The following EPN1 variants were observed in gnomAD, a reference collection of about 807,000 sequenced individuals.
EPN1 encodes the protein epsin-1.
In EPN1, 25 loss-of-function variants were observed where a neutral mutation model predicts 56.9. That is an observed-to-expected ratio of 0.44 (90% CI 0.32 to 0.61). EPN1 has a LOEUF of 0.61. EPN1 is among the 20% of genes least tolerant of loss of function. The pLI is 0.05. For missense variants in EPN1, 785 were observed against 823.7 expected (o/e 0.95, Z 0.58); for synonymous variants, 411 against 361.8 (o/e 1.14, Z -1.54).
At position 55,694,508 on chromosome 19, in the gene EPN1, T is replaced by G; in HGVS notation, c.1265-218T>G. ...ACCTGCTTCTGTCATCCCTCTTGTG[T>G]TTGCTCACTGGAATCAGACCCACCT... On this transcript the variant is annotated intron_variant, in intron 9 of 10. Transcript: ENST00000270460. The surrounding 1 kb of genome is among the most constrained non-coding windows in gnomAD (Gnocchi z 4.2). 2.1e-6 allele frequency: 1 copy of G among 471,910 alleles called. No homozygotes were observed. The highest frequency in any genetic ancestry group is 3.6e-6 in the Non-Finnish European group (1 of 275,464). 29.2% of individuals were successfully genotyped at this position (471,910 alleles called of 1,614,324 possible).
chr19:55,677,261 T>A, intron 1 of EPN1: 1 of 1,130,930 alleles, frequency 8.8e-7, no homozygotes, highest in Non-Finnish European at 1.3e-6. Flanking sequence ...GTGTCTCAGT[T>A]TCCACCCTGT....
chr19:55,678,532 G>C lies in EPN1; in HGVS notation c.-96G>C. 1.9e-6 allele frequency: 3 copies of C among 1,542,226 alleles called. No individual in the cohort carries two copies. The highest frequency in any genetic ancestry group is 2.6e-6 in the Non-Finnish European group (3 of 1,146,504). ...AGGTCCTCTTCCCCTCGCAGATGCG[G>C]TGACCTGCCAGCACCTGCCGCAGCC... On this transcript the variant is annotated 5_prime_UTR_variant, in exon 2 of 11. Coordinates refer to ENST00000270460, the MANE Select transcript of EPN1 (RefSeq NM_001130072.2).
At chr19:55,685,315 C>T (rs1452616213) in intron 2 of EPN1, 81 bp from the exon 3 acceptor site, 10 of 1,528,666 alleles carry the variant, frequency 6.5e-6, no homozygotes, top group Non-Finnish European at 8.8e-6. Flanking sequence ...CAGTCGGCCG[C>T]CCCAGAGCCC....
intron 2 of EPN1, among the ~76,000 whole-genome samples, chr19:55,684,434 G>T (rs995416650): frequency 1.3e-5 from 2 of 152,270 alleles, no homozygotes; most frequent in Middle Eastern, 3.4e-3. Flanking sequence ...GCCTGAGCTA[G>T]GGAGAGCCTC....
Position 55,708,954 on chromosome 19 carries a change from A to G in EPN1, c.*13598A>G. On this transcript the variant is annotated 3_prime_UTR_variant, in exon 11 of 11. Coordinates refer to ENST00000270460, the MANE Select transcript of EPN1 (RefSeq NM_001130072.2). ...TGATCTTGTATTCCTCGTCAATCCA[A>G]GGTCCATGTGAAATGGTCAGATGGG... 1 of 1,584,246 alleles carries G rather than the reference A, an allele frequency of 6.3e-7. No homozygotes were observed. Among genetic ancestry groups the G allele is most frequent in the Non-Finnish European group, 8.6e-7 (1 of 1,169,068 alleles).
chr19:55,703,325 C>T lies in EPN1; in HGVS notation c.*7969C>T, dbSNP rs376715337. On this transcript the variant is annotated 3_prime_UTR_variant, in exon 11 of 11. Coordinates refer to ENST00000270460, the MANE Select transcript of EPN1 (RefSeq NM_001130072.2). ...TGGTTGGGACAGTCGGGGATTCTCACTTTTTTTTAAAATTTGAGATGGAGT... is the reference window on the plus strand; with the variant it reads ...TGGTTGGGACAGTCGGGGATTCTCATTTTTTTTTAAAATTTGAGATGGAGT... 6.6e-6 allele frequency: 1 copy of T among 151,650 alleles called. No individual in the cohort carries two copies. Among genetic ancestry groups the T allele is most frequent in the Non-Finnish European group, 1.5e-5 (1 of 67,962 alleles). 9.4% of individuals were successfully genotyped at this position (151,650 alleles called of 1,614,324 possible). A position where few individuals can be genotyped will look rare whatever the true frequency, so the allele number is the denominator to read the frequency against.
At position 55,709,022 on chromosome 19, in the gene EPN1, C is replaced by T; in HGVS notation, c.*13666C>T. Reference sequence around the variant, plus strand: ...GACATCAGGATCTTCTGAGTTTCTTCATCAAAGCCAGATTTGTGCAGCCTG... The same window carrying T: ...GACATCAGGATCTTCTGAGTTTCTTTATCAAAGCCAGATTTGTGCAGCCTG... On this transcript the variant is annotated 3_prime_UTR_variant, in exon 11 of 11. Transcript: ENST00000270460. 1 of 1,576,246 alleles carries T rather than the reference C, an allele frequency of 6.3e-7. No homozygotes were observed. The highest frequency in any genetic ancestry group is 2.3e-5 in the East Asian group (1 of 43,080).
rs979158730 is a variant in EPN1 at position 55,700,269 on chromosome 19, C to T, written c.*4913C>T. 6.8e-6 allele frequency: 1 copy of T among 146,344 alleles called. No individual in the cohort carries two copies. The highest frequency in any genetic ancestry group is 6.8e-5 in the Admixed American group (1 of 14,652). 9.1% of individuals were successfully genotyped at this position (146,344 alleles called of 1,614,324 possible). A position where few individuals can be genotyped will look rare whatever the true frequency, so the allele number is the denominator to read the frequency against. On this transcript the variant is annotated 3_prime_UTR_variant, in exon 11 of 11. Transcript: ENST00000270460. ...TGCTCCATAAATACAAACTTCCTTT[C>T]CTTATTATTATTATTTATTTTTTTT...
chr19:55,695,052 C>T lies in EPN1; in HGVS notation c.1522+69C>T. On this transcript the variant is annotated intron_variant, in intron 10 of 10. Transcript: ENST00000270460. This position sits in a 1 kb window ranked among gnomAD's most constrained non-coding sequence, Gnocchi z 4.4. ...CCACCAGAGGAGGTGCCTCACGGGG[C>T]AGGGACACTTCGCCCTTTGCCTGCA... is the stretch of plus-strand genomic sequence containing the variant. 1 of 1,588,578 alleles carries T rather than the reference C, an allele frequency of 6.3e-7. No individual in the cohort carries two copies. Among genetic ancestry groups the T allele is most frequent in the Admixed American group, 1.7e-5 (1 of 57,222 alleles).
At chr19:55,693,160 T>G (rs1003208756) in intron 9 of EPN1, 123 bp downstream of exon 9, 3 of 862,796 alleles carry the variant, frequency 3.5e-6, no homozygotes, top group Non-Finnish European at 5.5e-6. Context: ...GGATGAAAAG[T>G]TCAGTTGGGT....
chr19:55,703,997 A>G lies in EPN1; in HGVS notation c.*8641A>G, dbSNP rs937499035. 8 of 152,242 alleles carry G rather than the reference A, an allele frequency of 5.3e-5. No homozygotes were observed. The highest frequency in any genetic ancestry group is 1.2e-4 in the Non-Finnish European group (8 of 68,012). The allele number at this position is 152,242 out of a possible 1,614,324, so 9.4% of individuals were successfully genotyped here. On this transcript the variant is annotated 3_prime_UTR_variant, in exon 11 of 11. Coordinates refer to ENST00000270460, the MANE Select transcript of EPN1 (RefSeq NM_001130072.2). ...TTCCTTCTGGGCCAGCGCGCAGACT[A>G]TCAACCGAGGTATTCAGTCCCTCGG...
rs535458097 is a variant in EPN1, at chr19:55,694,713, C to T, written c.1265-13C>T. 30 of 1,550,568 alleles carry T rather than the reference C, an allele frequency of 1.9e-5. No individual in the cohort carries two copies. Among genetic ancestry groups the T allele is most frequent in the Admixed American group, 3.8e-5 (2 of 52,858 alleles). ...GTCTGCCCTGTCTGAGCCCCTCTCC[C>T]GGATCCTTCCAGGAGAGCTGGAGCT... On this transcript the variant is annotated splice_polypyrimidine_tract_variant and intron_variant, in intron 9 of 10. Coordinates refer to ENST00000270460, the MANE Select transcript of EPN1 (RefSeq NM_001130072.2). The surrounding 1 kb of genome is among the most constrained non-coding windows in gnomAD (Gnocchi z 4.2).
intron 2 of EPN1, among the ~76,000 whole-genome samples, chr19:55,680,954 G>T (rs573123224): frequency 2.0e-5 from 3 of 152,252 alleles, no homozygotes; most frequent in Non-Finnish European, 4.4e-5. Flanking sequence ...CCAGGTGGTG[G>T]GTTGTGCAGG....
In EPN1 at chr19:55,707,768, G is replaced by A. The variant is rs1987498890; in HGVS notation, c.*12412G>A. ...CCCACATGGCCGTGGCAAACTCCTT[G>A]GTTCTTCTTTCCACTGGAATCCCCC... On this transcript the variant is annotated 3_prime_UTR_variant, in exon 11 of 11. Transcript: ENST00000270460. The A allele has an allele frequency of 6.5e-6, 1 of 154,428 alleles. No individual in the cohort carries two copies. The highest frequency in any genetic ancestry group is 1.5e-5 in the Non-Finnish European group (1 of 68,240). 9.6% of individuals were successfully genotyped at this position (154,428 alleles called of 1,614,324 possible). A position where few individuals can be genotyped will look rare whatever the true frequency, so the allele number is the denominator to read the frequency against.
rs1987147781 is a variant in EPN1 at position 55,701,668 on chromosome 19, C to G, written c.*6312C>G. On this transcript the variant is annotated 3_prime_UTR_variant, in exon 11 of 11. Transcript: ENST00000270460. ...CCCTGCCTGGCTTGTTCCTGTAAAA[C>G]GGTCTTGTCTGTGGTAAATACTAAG... The G allele has an allele frequency of 6.6e-6, 1 of 152,122 alleles. No homozygotes were observed. The highest frequency in any genetic ancestry group is 2.1e-4 in the South Asian group (1 of 4,832). 9.4% of individuals were successfully genotyped at this position (152,122 alleles called of 1,614,324 possible). A position where few individuals can be genotyped will look rare whatever the true frequency, so the allele number is the denominator to read the frequency against.
At position 55,694,799 on chromosome 19, in the gene EPN1, A is replaced by C. The variant is rs1986812906; in HGVS notation, c.1338A>C (p.Gly446=). The change falls in exon 10 of 11, where the codon GGA becomes GGC. Residue 446 remains glycine, a synonymous_variant. Transcript: ENST00000270460. This position sits in a 1 kb window ranked among gnomAD's most constrained non-coding sequence, Gnocchi z 4.2. The stretch of plus-strand genomic sequence containing the variant: ...CGTTTGACATGAGTGGGGTCAGGGG[A>C]TCTCTGGCTGAGGCTGTGGGCAGCC... ...PGAFDMSGVR[G]SLAEAVGSPP... 6.2e-7 allele frequency: 1 copy of C among 1,610,162 alleles called. No individual in the cohort carries two copies. The highest frequency in any genetic ancestry group is 1.7e-5 in the Admixed American group (1 of 59,654).
rs534374149 is a variant in EPN1 at position 55,695,202 on chromosome 19, C to T, written c.1577C>T (p.Ala526Val). 6.2e-6 allele frequency: 10 copies of T among 1,613,502 alleles called. No individual in the cohort carries two copies. The highest frequency in any genetic ancestry group is 1.7e-5 in the Admixed American group (1 of 60,008). Residue 526 changes from alanine to valine, a missense_variant, in exon 11 of 11, where the codon GCG becomes GTG. Coordinates refer to ENST00000270460, the MANE Select transcript of EPN1 (RefSeq NM_001130072.2). This position sits in a 1 kb window ranked among gnomAD's most constrained non-coding sequence, Gnocchi z 4.4. ...AACCCCTTCCAGCCCGCGCCTCCCG[C>T]GACGCTCACCCTGAACCAGCTCCGT... The part of the protein sequence containing the change: ...VTNPFQPAPP[A>V]TLTLNQLRLS...
intron 2 of EPN1, among the ~76,000 whole-genome samples, chr19:55,682,998 G>T (rs1028527032): frequency 1.3e-5 from 2 of 151,714 alleles, no homozygotes; most frequent in African/African-American, 4.8e-5. Flanking sequence ...CTCGTGATCC[G>T]CCCGCCTTGG....
In EPN1 at chr19:55,697,185, T is replaced by TA. The variant is rs1304898575; in HGVS notation, c.*1830dup. The TA allele has an allele frequency of 2.6e-5, 4 of 152,294 alleles. No homozygotes were observed. The highest frequency in any genetic ancestry group is 7.2e-5 in the African/African-American group (3 of 41,528). The allele number at this position is 152,294 out of a possible 1,614,324, so 9.4% of individuals were successfully genotyped here. ...TCCCCAGGCAGCAGCAAGCGTCCCT[T>TA]ACGCTTGGGCTGTCCGAGACCCTGC... On this transcript the variant is annotated 3_prime_UTR_variant, in exon 11 of 11. Transcript: ENST00000270460.
Sources: allele counts gnomAD v4.1 joint callset (sites outside exome capture counted in the v4.1 genomes callset), GRCh38; gene constraint gnomAD v4.1.1; non-coding constraint Gnocchi (gnomAD v3.1); transcripts MANE v1.5; gene names NCBI Gene and HGNC (gene_info 2026-07-23, HGNC 2026-07-21).